The following FSTL4 variants were observed in gnomAD, a reference collection of about 807,000 sequenced individuals.
FSTL4 encodes the protein follistatin-related protein 4.
In FSTL4, 28 loss-of-function variants were observed where a neutral mutation model predicts 78.2. The observed-to-expected ratio is 0.36, with a 90% CI of 0.27 to 0.49. The LOEUF is 0.49. FSTL4 is among the 20% of genes least tolerant of loss of function. The pLI, the probability that FSTL4 is intolerant of heterozygous loss-of-function variation, is 0.98. For missense variants in FSTL4, 922 were observed against 1,084.9 expected, an observed-to-expected ratio of 0.85 and a Z score of 2.11; for synonymous variants, 422 against 440.5, an observed-to-expected ratio of 0.96 and a Z score of 0.53.
At chr5:133,543,004 T>G (rs1443252722) in intron 3 of FSTL4, among the ~76,000 whole-genome samples, 1 of 152,114 alleles carries the variant, frequency 6.6e-6, no homozygotes, top group East Asian at 1.9e-4. Flanking sequence ...GGGTTTACTC[T>G]GCTACTCTTT....
chr5:133,339,334 G>A (rs1754535754), intron 4 of FSTL4, among the ~76,000 whole-genome samples: 1 of 152,170 alleles, frequency 6.6e-6, no homozygotes, highest in Admixed American at 6.5e-5. Flanking sequence ...GGACACCTCT[G>A]GCAACTGGGC....
chr5:133,251,180 G>A (rs1265524480), intron 6 of FSTL4, among the ~76,000 whole-genome samples: 3 of 152,180 alleles, frequency 2.0e-5, no homozygotes, highest in East Asian at 1.9e-4. Context: ...AGCATGACCC[G>A]GCCTTTGGAG....
At chr5:133,791,345 T>C in the FSTL4 span, among the ~76,000 whole-genome samples, 1 of 152,092 alleles carries the variant, frequency 6.6e-6, no homozygotes, top group Non-Finnish European at 1.5e-5. Context: ...CTTGTTTCCT[T>C]GCACTTACCT....
chr5:133,380,168 G>T (rs923174867), intron 4 of FSTL4, among the ~76,000 whole-genome samples: 12 of 151,690 alleles, frequency 7.9e-5, no homozygotes, highest in Admixed American at 6.6e-4. Flanking sequence ...AACAAGCAGG[G>T]CAAGCAAGTA....
At chr5:133,278,329 C>T (rs1752934383) in intron 6 of FSTL4, among the ~76,000 whole-genome samples, 1 of 152,188 alleles carries the variant, frequency 6.6e-6, no homozygotes, top group African/African-American at 2.4e-5. Context: ...TCTCTCAGCT[C>T]CCCAGGCCCT....
At chr5:133,566,908 T>C (rs1389877074) in intron 3 of FSTL4, among the ~76,000 whole-genome samples, 1 of 152,216 alleles carries the variant, frequency 6.6e-6, no homozygotes, top group Non-Finnish European at 1.5e-5. Flanking sequence ...AGAATGAGGC[T>C]TCTCTTAAGA....
chr5:133,603,412 G>A (rs1760910647), intron 2 of FSTL4, among the ~76,000 whole-genome samples: 4 of 152,158 alleles, frequency 2.6e-5, no homozygotes, highest in African/African-American at 9.7e-5. Context: ...ACCTCCACTT[G>A]CCAGTTCTTT....
intron 4 of FSTL4, among the ~76,000 whole-genome samples, chr5:133,384,133 C>T (rs1299240782): frequency 6.6e-6 from 1 of 152,210 alleles, no homozygotes; most frequent in Admixed American, 6.5e-5. Context: ...GCTGCTTCCC[C>T]ACCCTCCTGC....
intron 3 of FSTL4, among the ~76,000 whole-genome samples, chr5:133,401,237 C>T (rs1369573146): frequency 6.6e-6 from 1 of 152,212 alleles, no homozygotes; most frequent in Non-Finnish European, 1.5e-5. Flanking sequence ...ATCTGAAACA[C>T]AACACCTTTC....
At chr5:133,768,434 G>A in the FSTL4 span, among the ~76,000 whole-genome samples, 3 of 152,180 alleles carry the variant, frequency 2.0e-5, no homozygotes, top group African/African-American at 7.2e-5. Context: ...ACCTATGAAG[G>A]ACAAGAATCA....
intron 14 of FSTL4, chr5:133,202,837 C>T (rs1301613443): frequency 6.6e-6 from 1 of 152,378 alleles, no homozygotes; most frequent in Non-Finnish European, 1.5e-5. Context: ...GCTTTCTCCC[C>T]TGTGGACTTG....
At chr5:133,821,274 C>G in the FSTL4 span, among the ~76,000 whole-genome samples, 1 of 152,196 alleles carries the variant, frequency 6.6e-6, no homozygotes, top group Non-Finnish European at 1.5e-5. Flanking sequence ...TCCTTCTCAT[C>G]TGGTTCTTGA....
intron 4 of FSTL4, among the ~76,000 whole-genome samples, chr5:133,352,357 CACACATATATATACACATAT>C (rs1561683029): frequency 2.4e-4 from 35 of 143,310 alleles, no homozygotes; most frequent in African/African-American, 7.2e-4. Context: ...TATATATACA[CACACATATATATACACATAT>C]ATATATATAC....
intron 3 of FSTL4, among the ~76,000 whole-genome samples, chr5:133,561,960 C>A (rs1302894875): frequency 6.6e-6 from 1 of 152,120 alleles, no homozygotes; most frequent in Non-Finnish European, 1.5e-5. Flanking sequence ...CCAGAAAGAG[C>A]CAATTTCTGT....
intron 3 of FSTL4, among the ~76,000 whole-genome samples, chr5:133,486,267 C>T (rs1758133098): frequency 6.7e-6 from 1 of 150,104 alleles, no homozygotes; most frequent in Non-Finnish European, 1.5e-5. Flanking sequence ...GTACGAGGGG[C>T]GGGGAGAAAC....
At chr5:133,508,541 A>G (rs1041259086) in intron 3 of FSTL4, among the ~76,000 whole-genome samples, 1 of 152,240 alleles carries the variant, frequency 6.6e-6, no homozygotes, top group African/African-American at 2.4e-5. Context: ...TTTCAGGTTC[A>G]GTGTAATCGT....
chr5:133,800,544 T>C, the FSTL4 span, among the ~76,000 whole-genome samples: 2 of 138,770 alleles, frequency 1.4e-5, 1 homozygote, highest in Non-Finnish European at 3.2e-5. Flanking sequence ...AAGCTTTGCT[T>C]AAGGGGAACA....
chr5:133,827,990 C>T, the FSTL4 span, among the ~76,000 whole-genome samples: 2 of 152,136 alleles, frequency 1.3e-5, no homozygotes, highest in African/African-American at 4.8e-5. Context: ...GGTCACAAAG[C>T]CATCGAGGGA....
chr5:133,581,542 G>C (rs1480688515), intron 2 of FSTL4, among the ~76,000 whole-genome samples: 3 of 152,238 alleles, frequency 2.0e-5, no homozygotes, highest in Non-Finnish European at 2.9e-5. Context: ...CCCAGGAGGG[G>C]CCTTGTGCCT....
Sources: gnomAD v4.1 joint callset for allele counts (sites outside exome capture counted in the v4.1 genomes callset) on GRCh38, gnomAD v4.1.1 for gene constraint, MANE v1.5 for transcripts, NCBI Gene and HGNC (gene_info 2026-07-23, HGNC 2026-07-21) for gene names.